The following CASK variants were observed in gnomAD, a reference collection of about 807,000 sequenced individuals.
CASK encodes calcium/calmodulin dependent serine protein kinase.
A neutral mutation model predicts 82.9 loss-of-function variants in CASK; 4 were observed. That is an observed-to-expected ratio of 0.05 (90% CI 0.02 to 0.11). CASK has a LOEUF of 0.11. CASK is among the 10% of genes least tolerant of loss of function. CASK has a pLI of 1.00. For missense variants in CASK, 358 were observed against 720.9 expected (o/e 0.50, Z 5.76); for synonymous variants, 259 against 253.5 (o/e 1.02, Z -0.20).
chrX:41,777,484 G>T (rs1330680941), intron 3 of CASK, among the ~76,000 whole-genome samples: 1 of 95,769 alleles, frequency 1.0e-5, no homozygotes, highest in African/African-American at 4.1e-5. Context: ...GCGAGACATC[G>T]TCTCAAAAAA....
At chrX:41,852,699 C>T (rs991249845) in intron 2 of CASK, among the ~76,000 whole-genome samples, 1 of 110,817 alleles carries the variant, frequency 9.0e-6, no homozygotes, top group Non-Finnish European at 1.9e-5. Context: ...TCCACTAAAT[C>T]ATAATCCTAA....
intron 11 of CASK, among the ~76,000 whole-genome samples, chrX:41,612,512 C>G (rs1347063668): frequency 9.2e-6 from 1 of 108,228 alleles, no homozygotes; most frequent in Admixed American, 9.6e-5. Context: ...GGCAGCCACC[C>G]CGTCCGGGAA....
chrX:41,664,403 T>G (rs144222794), intron 7 of CASK, among the ~76,000 whole-genome samples: 2,420 of 111,918 alleles, frequency 0.022, 41 homozygotes, highest in Middle Eastern at 0.033. Flanking sequence ...CATACACATG[T>G]TTTTGGTTTT....
intron 8 of CASK, among the ~76,000 whole-genome samples, chrX:41,643,195 A>C (rs2066692244): frequency 9.0e-6 from 1 of 111,713 alleles, no homozygotes; most frequent in South Asian, 3.7e-4. Context: ...GTTTGAAGTC[A>C]GGTAGTGTGA....
intron 8 of CASK, among the ~76,000 whole-genome samples, chrX:41,645,425 T>C (rs2066740506): frequency 9.0e-6 from 1 of 111,377 alleles, no homozygotes; most frequent in Admixed American, 9.6e-5. Context: ...AGGAAGAGGA[T>C]ATGCTTGTGT....
intron 12 of CASK, among the ~76,000 whole-genome samples, chrX:41,590,852 TTCAGATTATAG>T (rs1199297399): frequency 4.5e-5 from 5 of 111,313 alleles, no homozygotes; most frequent in Non-Finnish European, 9.4e-5. Flanking sequence ...ATAAACATTC[TTCAGATTATAG>T]TCAGATTTGC....
intron 2 of CASK, among the ~76,000 whole-genome samples, chrX:41,812,449 T>C (rs2070310853): frequency 9.0e-6 from 1 of 111,506 alleles, no homozygotes; most frequent in African/African-American, 3.3e-5. Flanking sequence ...TCCAAATCAA[T>C]AAATGTAATC....
At chrX:41,529,439 T>A in intron 25 of CASK, 1 of 170,376 alleles carries the variant, frequency 5.9e-6, no homozygotes, top group Non-Finnish European at 1.1e-5. Context: ...CGGAGGCAGG[T>A]AAGGCAGAAA....
chrX:41,588,743 G>GA lies in CASK; in HGVS notation c.1233+771dup, dbSNP rs199898721. Reference sequence around the variant, plus strand: ...ACAAAGACTGACATGATCAAAAAATGAAAAAAAAAAAAACCCATGTGTCTA... The same window carrying GA: ...ACAAAGACTGACATGATCAAAAAATGAAAAAAAAAAAAAACCCATGTGTCTA... On this transcript the variant is annotated intron_variant, in intron 13 of 26. Transcript: ENST00000378163. Among the ~76,000 whole-genome samples the GA allele has an allele frequency of 9.2e-3, 796 of 86,135 alleles. 2 individuals carry two copies. The highest frequency in any genetic ancestry group is 0.018 in the Middle Eastern group (3 of 164). 74.8% of individuals were successfully genotyped at this position (86,135 alleles called of 115,157 possible).
chrX:41,756,411 C>T (rs1242033535), intron 3 of CASK, among the ~76,000 whole-genome samples: 1 of 111,992 alleles, frequency 8.9e-6, no homozygotes, highest in African/African-American at 3.2e-5. Flanking sequence ...CTGTGAACAA[C>T]CCAATGTCCA....
At chrX:41,685,808 T>G (rs182481096) in intron 5 of CASK, among the ~76,000 whole-genome samples, 18 of 111,950 alleles carry the variant, frequency 1.6e-4, no homozygotes, top group Non-Finnish European at 2.8e-4. Flanking sequence ...GACATTTGTA[T>G]ATACTAGCAG....
At chrX:41,803,930 GT>G (rs1262601795) in intron 2 of CASK, among the ~76,000 whole-genome samples, 1 of 111,856 alleles carries the variant, frequency 8.9e-6, no homozygotes, top group Non-Finnish European at 1.9e-5. Flanking sequence ...CTGCTTTTTT[GT>G]TGTTAGAAGT....
intron 2 of CASK, among the ~76,000 whole-genome samples, chrX:41,818,977 G>A (rs753140097): frequency 5.4e-5 from 6 of 110,823 alleles, no homozygotes; most frequent in Middle Eastern, 4.6e-3. Context: ...CTTGGATTAG[G>A]CAAAGATTTC....
At chrX:41,600,088 A>C (rs2065873269) in intron 12 of CASK, among the ~76,000 whole-genome samples, 1 of 112,048 alleles carries the variant, frequency 8.9e-6, no homozygotes, top group African/African-American at 3.2e-5. Flanking sequence ...TGAACATACA[A>C]TTATTAATGT....
At chrX:41,894,300 G>GA (rs1040229408) in intron 1 of CASK, among the ~76,000 whole-genome samples, 1 of 110,699 alleles carries the variant, frequency 9.0e-6, no homozygotes, top group African/African-American at 3.3e-5. Context: ...GTTGACAGTA[G>GA]AAAAAAATCA....
intron 1 of CASK, among the ~76,000 whole-genome samples, chrX:41,891,973 T>G (rs1168682326): frequency 1.8e-5 from 2 of 111,595 alleles, no homozygotes; most frequent in Non-Finnish European, 3.8e-5. Context: ...GAGGACTGCT[T>G]GAGCCCAGGA....
chrX:41,610,682 A>T (rs982555899), intron 11 of CASK, among the ~76,000 whole-genome samples: 1 of 111,857 alleles, frequency 8.9e-6, no homozygotes, highest in African/African-American at 3.2e-5. Context: ...TCCAAATACC[A>T]TATTAAATTT....
chrX:41,902,440 G>A (rs991603158), intron 1 of CASK, among the ~76,000 whole-genome samples: 4 of 110,983 alleles, frequency 3.6e-5, no homozygotes, highest in African/African-American at 6.6e-5. Flanking sequence ...TTCCATTGTC[G>A]TGTCTCCTTT....
At position 41,516,845 on chromosome X, in the gene CASK, G is replaced by GA. The variant is rs2064557465; in HGVS notation, c.*3574dup. ...ACACATTCTCTTTGCCCCAAGTTAA[G>GA]AAACTGGCCTGAAATGAAAAAAAAA... On this transcript the variant is annotated 3_prime_UTR_variant, in exon 27 of 27. Coordinates refer to ENST00000378163, the MANE Select transcript of CASK (RefSeq NM_001367721.1). 1 of 109,549 alleles carries GA rather than the reference G, an allele frequency of 9.1e-6. No homozygotes were observed. Among genetic ancestry groups the GA allele is most frequent in the South Asian group, 3.9e-4 (1 of 2,545 alleles). The allele number at this position is 109,549 out of a possible 1,213,427, so 9.0% of individuals were successfully genotyped here. A position where few individuals can be genotyped will look rare whatever the true frequency, so the allele number is the denominator to read the frequency against.
Sources: gnomAD v4.1 joint callset for allele counts (sites outside exome capture counted in the v4.1 genomes callset) on GRCh38, gnomAD v4.1.1 for gene constraint, MANE v1.5 for transcripts, NCBI Gene and HGNC (gene_info 2026-07-23, HGNC 2026-07-21) for gene names.